PPL: variants seen among roughly 807,000 people sequenced by gnomAD.
PPL encodes the protein periplakin, also known as 190 kDa paraneoplastic pemphigus antigen.
PPL carries 198 observed loss-of-function variants against 194.4 expected under a neutral mutation model. The observed-to-expected ratio is 1.02, with a 90% confidence interval of 0.91 to 1.15. PPL has a LOEUF of 1.15. Ranked by LOEUF, PPL falls within the 50% of genes most tolerant of loss-of-function variation. The pLI is 0.00. For missense variants in PPL, 2,885 were observed against 2,294.8 expected (o/e 1.26, Z -5.25); for synonymous variants, 1,220 against 972.4 (o/e 1.25, Z -4.74).
rs1339173696 is a variant in PPL, at chr16:4,885,347, T to G, written c.3308A>C (p.Lys1103Thr). ...CTTGCCCTCGGCCATGGCCCGCTCC[T>G]TCTCTAGCCTCTTGAGCTTGTCCTG... ...FLQDKLKRLE[K>T]ERAMAEGKIT... Residue 1103 changes from lysine (K) to threonine (T), a missense_variant, in exon 22 of 22, where the codon AAG becomes ACG. Lys to Thr is a moderately conservative substitution (Grantham distance 78). Transcript: ENST00000345988. This position sits in a 1 kb window ranked among gnomAD's most constrained non-coding sequence, Gnocchi z 6.3. 6.2e-6 allele frequency: 10 copies of G among 1,612,754 alleles called. No individual in the cohort carries two copies. The South Asian group carries it at 1.1e-4, about 18-fold the overall frequency.
intron 2 of PPL, among the ~76,000 whole-genome samples, chr16:4,910,379 C>T (rs934846533): frequency 6.6e-6 from 1 of 152,212 alleles, no homozygotes; most frequent in Non-Finnish European, 1.5e-5. Flanking sequence ...GGAACCATCA[C>T]TCCTGCCTGC....
At chr16:4,889,192 C>CT in intron 18 of PPL, 131 bp from the exon 19 acceptor site, 1 of 587,970 alleles carries the variant, frequency 1.7e-6, no homozygotes, top group East Asian at 3.1e-5. Context: ...GAATGGCTCC[C>CT]TTGTATACAT....
rs778457737 is a variant in PPL, at chr16:4,893,209, G to A, written c.1650+4C>T. On this transcript the variant is annotated splice_donor_region_variant and intron_variant, in intron 14 of 21. Coordinates refer to ENST00000345988, the MANE Select transcript of PPL (RefSeq NM_002705.5). Reference sequence around the variant, plus strand: ...CCCCACCTGTGCTCCTGACCCGCAGGTACCTTGAGGTCCTTGGCCCGCTCG... The same window carrying A: ...CCCCACCTGTGCTCCTGACCCGCAGATACCTTGAGGTCCTTGGCCCGCTCG... The A allele has an allele frequency of 2.6e-6, 4 of 1,552,666 alleles. No homozygotes were observed. The highest frequency in any genetic ancestry group is 1.4e-5 in the African/African-American group (1 of 74,042).
intron 6 of PPL, among the ~76,000 whole-genome samples, chr16:4,900,204 T>G (rs77205286): frequency 2.0e-5 from 3 of 152,124 alleles, no homozygotes; most frequent in African/African-American, 4.8e-5. Context: ...AAAGAATGCA[T>G]TCTTTAAAGG....
chr16:4,930,198 A>C lies in PPL; in HGVS notation c.62+6786T>G, dbSNP rs1244665834. On this transcript the variant is annotated intron_variant, in intron 1 of 21. Transcript: ENST00000345988. Reference sequence around the variant, plus strand: ...CACTCTCTTTATCCTCTCATCTCCAACTGATCCCCGGGTTCGGCGTGGAGG... The same window carrying C: ...CACTCTCTTTATCCTCTCATCTCCACCTGATCCCCGGGTTCGGCGTGGAGG... 2.6e-5 allele frequency among the ~76,000 whole-genome samples: 4 copies of C among 151,954 alleles called. No individual in the cohort carries two copies. The East Asian group carries it at 5.8e-4, about 22-fold the overall frequency.
At chr16:4,912,358 C>T (rs1489731854) in intron 1 of PPL, among the ~76,000 whole-genome samples, 1 of 152,264 alleles carries the variant, frequency 6.6e-6, no homozygotes, top group Non-Finnish European at 1.5e-5. Context: ...AAGCTTTGTG[C>T]ATATTGCAGC....
At chr16:4,889,165 C>G (rs868186020) in intron 18 of PPL, 104 bp from the exon 19 acceptor site, 4 of 900,048 alleles carry the variant, frequency 4.4e-6, no homozygotes, top group Non-Finnish European at 7.2e-6. Flanking sequence ...TTATTCTTCT[C>G]TAGCACAAAG....
chr16:4,928,865 G>C (rs1596590440), intron 1 of PPL, among the ~76,000 whole-genome samples: 1 of 151,910 alleles, frequency 6.6e-6, no homozygotes, highest in African/African-American at 2.4e-5. Context: ...ACAAAATATA[G>C]CCAGGCGTGG....
At chr16:4,894,925 G>C in intron 11 of PPL, among the ~76,000 whole-genome samples, 1 of 152,226 alleles carries the variant, frequency 6.6e-6, no homozygotes, top group Admixed American at 6.5e-5. Flanking sequence ...GCATTCGCCA[G>C]CCACAGTCAT....
At chr16:4,921,071 G>A (rs2089040609) in intron 1 of PPL, among the ~76,000 whole-genome samples, 1 of 152,200 alleles carries the variant, frequency 6.6e-6, no homozygotes, top group Admixed American at 6.5e-5. Flanking sequence ...GAGTCACCTC[G>A]AGTCGACTGA....
Position 4,925,268 on chromosome 16 carries a change from G to A in PPL, c.62+11716C>T, listed in dbSNP as rs977077618. Among the ~76,000 whole-genome samples the A allele has an allele frequency of 2.6e-5, 4 of 152,204 alleles. No homozygotes were observed. The East Asian group carries it at 5.8e-4, about 22-fold the overall frequency. On this transcript the variant is annotated intron_variant, in intron 1 of 21. Transcript: ENST00000345988. The stretch of plus-strand genomic sequence containing the variant: ...CCAGCTTGGGGGAGGTGCACCTCCG[G>A]TGCCGAGTAGCCCTCTGCCCCTACC...
intron 2 of PPL, among the ~76,000 whole-genome samples, chr16:4,908,874 T>G (rs957482751): frequency 3.3e-5 from 5 of 152,264 alleles, no homozygotes; most frequent in African/African-American, 1.2e-4. Context: ...TGCTTGTTTA[T>G]CCATCGTGAA....
intron 1 of PPL, among the ~76,000 whole-genome samples, chr16:4,926,355 C>T (rs1051434758): frequency 6.6e-6 from 1 of 152,206 alleles, no homozygotes; most frequent in Non-Finnish European, 1.5e-5. Context: ...CCCTTACAGG[C>T]CCTGGCAACA....
At chr16:4,930,875 G>T (rs2089217310) in intron 1 of PPL, among the ~76,000 whole-genome samples, 2 of 152,192 alleles carry the variant, frequency 1.3e-5, no homozygotes, top group African/African-American at 4.8e-5. Flanking sequence ...CCAGCTCCCA[G>T]GGCCTAAGAG....
intron 1 of PPL, among the ~76,000 whole-genome samples, chr16:4,914,288 T>C (rs2088876455): frequency 6.6e-6 from 1 of 152,166 alleles, no homozygotes; most frequent in Non-Finnish European, 1.5e-5. Flanking sequence ...TCCCGGCCAC[T>C]AACCCAGACC....
Position 4,888,093 on chromosome 16 carries a change from G to A in PPL, c.2514+9C>T, listed in dbSNP as rs530689555. The A allele has an allele frequency of 5.6e-6, 9 of 1,605,776 alleles. No individual in the cohort carries two copies. The Admixed American group carries it at 1.0e-4, about 18-fold the overall frequency. ...TCAGTCCCGAGGCCGCCTGGCCCAT[G>A]GAACTCACCTCTTCCTTCACTTTGG... On this transcript the variant is annotated intron_variant, in intron 20 of 21. Coordinates refer to ENST00000345988, the MANE Select transcript of PPL (RefSeq NM_002705.5).
rs778158098 is a variant in PPL at position 4,883,800 on chromosome 16, G to T, written c.4855C>A (p.Leu1619Met). 7 of 1,614,148 alleles carry T rather than the reference G, an allele frequency of 4.3e-6. No individual in the cohort carries two copies. In the South Asian group the frequency reaches 6.6e-5, roughly 15 times the overall value. The change falls in exon 22 of 22, where the codon CTG (leucine) becomes ATG (methionine). Residue 1619 changes from leucine to methionine, a missense_variant. Leu to Met is a conservative substitution (Grantham distance 15). Coordinates refer to ENST00000345988, the MANE Select transcript of PPL (RefSeq NM_002705.5). This position sits in a 1 kb window ranked among gnomAD's most constrained non-coding sequence, Gnocchi z 4.8. ...DSRLWSLERELDDLKRLSKDK... is the reference protein window; with the variant it reads ...DSRLWSLEREMDDLKRLSKDK... ...TTGGAGAGCCTCTTGAGGTCATCCA[G>T]TTCCCTCTCCAGGGACCACAGTCTG...
intron 11 of PPL, 23 bp downstream of exon 11, chr16:4,895,238 A>G (rs1258666359): frequency 6.3e-7 from 1 of 1,590,378 alleles, no homozygotes. Flanking sequence ...AGTGATGTGA[A>G]CAGAGGAGCT....
chr16:4,902,801 T>G lies in PPL; in HGVS notation c.318-275A>C, dbSNP rs932196677. The stretch of plus-strand genomic sequence containing the variant: ...GCCTCCCAGGTTCAAGCAATTCTCC[T>G]GCCTCAACCTCCCGAGTAGCTGGGA... On this transcript the variant is annotated intron_variant, in intron 3 of 21. Coordinates refer to ENST00000345988, the MANE Select transcript of PPL (RefSeq NM_002705.5). This position sits in a 1 kb window ranked among gnomAD's most constrained non-coding sequence, Gnocchi z 4.0. 6.6e-6 allele frequency among the ~76,000 whole-genome samples: 1 copy of G among 152,106 alleles called. No homozygotes were observed. The highest frequency in any genetic ancestry group is 6.6e-5 in the Admixed American group (1 of 15,264).
Sources: allele counts gnomAD v4.1 joint callset (sites outside exome capture counted in the v4.1 genomes callset), GRCh38; gene constraint gnomAD v4.1.1; non-coding constraint Gnocchi (gnomAD v3.1); transcripts MANE v1.5; gene names NCBI Gene and HGNC (gene_info 2026-07-23, HGNC 2026-07-21).